The following SNX29 variants were observed in gnomAD, a reference collection of about 807,000 sequenced individuals.
The protein encoded by SNX29 is sorting nexin 29, also known as sorting nexin-29.
SNX29 carries 78 observed loss-of-function variants against 102.1 expected under a neutral mutation model. The observed-to-expected ratio is 0.76, with a 90% CI of 0.64 to 0.92. SNX29 has a LOEUF of 0.92. Ranked by LOEUF, SNX29 falls within the 40% of genes least tolerant of loss-of-function variation. The pLI, the probability that SNX29 is intolerant of heterozygous loss-of-function variation, is 0.00. For missense variants in SNX29, 1,280 were observed against 1,061.7 expected (o/e 1.21, Z -2.86); for synonymous variants, 580 against 414.5 (o/e 1.40, Z -4.85).
chr16:11,999,260 C>A (rs368155593), intron 1 of SNX29, 37 bp from the exon 2 acceptor site: 4 of 1,605,346 alleles, frequency 2.5e-6, no homozygotes, highest in African/African-American at 2.7e-5. Flanking sequence ...CGTGTCCGAG[C>A]GTCAGAGAGA....
chr16:11,995,449 T>A (rs1307415918), intron 1 of SNX29, among the ~76,000 whole-genome samples: 1 of 152,124 alleles, frequency 6.6e-6, no homozygotes, highest in Non-Finnish European at 1.5e-5. Flanking sequence ...CTTGACAGCT[T>A]CTTGCCTGCA....
chr16:12,542,781 G>T (rs2077400911), intron 20 of SNX29, among the ~76,000 whole-genome samples: 3 of 150,372 alleles, frequency 2.0e-5, no homozygotes. Flanking sequence ...TTTAAACAAA[G>T]TATTAGTTAA....
chr16:12,393,141 CT>C (rs1287277931), intron 16 of SNX29, among the ~76,000 whole-genome samples: 2 of 152,168 alleles, frequency 1.3e-5, no homozygotes, highest in African/African-American at 4.8e-5. Context: ...CAAATTATGG[CT>C]GCCATTTCAT....
intron 20 of SNX29, among the ~76,000 whole-genome samples, chr16:12,537,404 C>G (rs1289160762): frequency 1.3e-5 from 2 of 152,180 alleles, no homozygotes; most frequent in Admixed American, 6.5e-5. Flanking sequence ...CCAAACAGAC[C>G]TGGGCTCAAA....
At chr16:12,412,221 G>T (rs1025846922) in intron 18 of SNX29, among the ~76,000 whole-genome samples, 1 of 152,216 alleles carries the variant, frequency 6.6e-6, no homozygotes, top group Non-Finnish European at 1.5e-5. Flanking sequence ...CTATGGGGTA[G>T]GCACTGTTTT....
At chr16:12,067,146 C>T (rs1017782761) in intron 9 of SNX29, among the ~76,000 whole-genome samples, 12 of 152,150 alleles carry the variant, frequency 7.9e-5, no homozygotes, top group Admixed American at 4.6e-4. Context: ...AATCGTGCCA[C>T]TGCTCTCCAG....
At position 12,468,195 on chromosome 16, in the gene SNX29, T is replaced by TTA. The variant is rs375872903; in HGVS notation, c.2038-9524_2038-9523insTA. ...TTTTTTTTTTTTTTTTTTTTTTTTT[T>TTA]AGGGGGAGTTTTACTGTTTCCCAGG... On this transcript the variant is annotated intron_variant, in intron 18 of 20. Coordinates refer to ENST00000566228, the MANE Select transcript of SNX29 (RefSeq NM_032167.5). 5.5e-3 allele frequency among the ~76,000 whole-genome samples: 569 copies of TTA among 103,212 alleles called. 43 individuals carry two copies. Among genetic ancestry groups the TTA allele is most frequent in the Admixed American group, 0.052 (489 of 9,322 alleles). 67.7% of individuals were successfully genotyped at this position (103,212 alleles called of 152,430 possible). A position where few individuals can be genotyped will look rare whatever the true frequency, so the allele number is the denominator to read the frequency against.
rs200858924 is a variant in SNX29 at position 12,048,457 on chromosome 16, C to G, written c.585C>G (p.Leu195=). ...AGTTTGCTCCCACCGTTTCAGACCT[C>G]TTAAAGGAGTCAACGCAGAACGTGA... The part of the protein sequence containing the change: ...QSKFAPTVSD[L]LKESTQNVTS... Residue 195 remains leucine (L), a synonymous_variant, in exon 7 of 21, where the codon CTC becomes CTG. Coordinates refer to ENST00000566228, the MANE Select transcript of SNX29 (RefSeq NM_032167.5). 787 of 1,613,944 alleles carry G rather than the reference C, an allele frequency of 4.9e-4. 17 individuals carry two copies. The South Asian group carries it at 8.4e-3, about 17-fold the overall frequency.
intron 11 of SNX29, chr16:12,087,480 T>G (rs1051788054): frequency 3.0e-5 from 7 of 230,500 alleles, no homozygotes; most frequent in African/African-American, 1.6e-4. Context: ...GTCTGTGGAC[T>G]CAGCTTCTTG....
At chr16:11,983,178 GC>G (rs2055464196) in intron 1 of SNX29, among the ~76,000 whole-genome samples, 1 of 151,636 alleles carries the variant, frequency 6.6e-6, no homozygotes, top group Admixed American at 6.6e-5. Flanking sequence ...TGATCCACCT[GC>G]CTTGGCCTCC....
chr16:12,395,602 T>C (rs4781222), intron 16 of SNX29, among the ~76,000 whole-genome samples: 81,646 of 151,758 alleles, frequency 0.54, 22,744 homozygotes, highest in East Asian at 0.63. Context: ...CAGGGAGAGG[T>C]GAATAGAGAT....
Position 12,296,019 on chromosome 16 carries a change from A to C in SNX29, c.1782+17983A>C, listed in dbSNP as rs367732046. 1.4e-4 allele frequency among the ~76,000 whole-genome samples: 21 copies of C among 152,382 alleles called. 1 individual carries two copies. The South Asian group carries it at 4.1e-3, about 30-fold the overall frequency. ...CAGTTCCTACTATGTAATATGTAGA[A>C]ATCATTTTCCCTTTGTGAAGAAAAC... On this transcript the variant is annotated intron_variant, in intron 15 of 20. Coordinates refer to ENST00000566228, the MANE Select transcript of SNX29 (RefSeq NM_032167.5).
intron 15 of SNX29, among the ~76,000 whole-genome samples, chr16:12,284,392 G>C (rs1265865563): frequency 6.6e-6 from 1 of 152,244 alleles, no homozygotes; most frequent in East Asian, 1.9e-4. Flanking sequence ...GCCTGCAGTA[G>C]ACAGGAGGTG....
intron 20 of SNX29, among the ~76,000 whole-genome samples, chr16:12,540,672 G>C (rs1289284860): frequency 1.3e-5 from 2 of 152,184 alleles, no homozygotes; most frequent in Non-Finnish European, 2.9e-5. Flanking sequence ...AACCACAGCT[G>C]CTGGTCCCTC....
intron 3 of SNX29, among the ~76,000 whole-genome samples, chr16:12,011,681 C>A (rs939729978): frequency 2.0e-5 from 3 of 152,102 alleles, no homozygotes; most frequent in African/African-American, 4.8e-5. Context: ...TTAGCACCGT[C>A]ATCTTCGTCA....
At chr16:12,449,179 T>G (rs1567574489) in intron 18 of SNX29, among the ~76,000 whole-genome samples, 1 of 151,720 alleles carries the variant, frequency 6.6e-6, no homozygotes, top group East Asian at 1.9e-4. Flanking sequence ...GGAGGAGGAA[T>G]AGTGATAGAC....
intron 14 of SNX29, among the ~76,000 whole-genome samples, chr16:12,237,999 T>G (rs2142260886): frequency 6.6e-6 from 1 of 152,304 alleles, no homozygotes; most frequent in East Asian, 1.9e-4. Context: ...TGGCAGGCTT[T>G]TGTGACATGC....
chr16:12,102,288 G>T (rs1014393747), intron 11 of SNX29, among the ~76,000 whole-genome samples: 4 of 152,140 alleles, frequency 2.6e-5, no homozygotes, highest in African/African-American at 9.7e-5. Flanking sequence ...ACCCAGTAAT[G>T]GGATTGCTGG....
chr16:12,566,625 C>A (rs543099923), intron 20 of SNX29, among the ~76,000 whole-genome samples: 2 of 152,328 alleles, frequency 1.3e-5, no homozygotes, highest in East Asian at 1.9e-4. Context: ...ACACTGCAAG[C>A]AAAGACCTCC....
Sources: gnomAD v4.1 joint callset for allele counts (sites outside exome capture counted in the v4.1 genomes callset) on GRCh38, gnomAD v4.1.1 for gene constraint, MANE v1.5 for transcripts, NCBI Gene and HGNC (gene_info 2026-07-23, HGNC 2026-07-21) for gene names.